The following SLC12A2 variants were observed in gnomAD, a reference collection of about 807,000 sequenced individuals.
The protein encoded by SLC12A2 is solute carrier family 12 member 2.
In SLC12A2, 67 loss-of-function variants were observed where a neutral mutation model predicts 136.3. The observed-to-expected ratio is 0.49, with a 90% CI of 0.40 to 0.60. The LOEUF is 0.60. Among genes scored for constraint, SLC12A2 ranks in the 20% least tolerant of loss-of-function variants. SLC12A2 has a pLI of 0.00. For synonymous variants in SLC12A2, 619 were observed against 562.9 expected, an observed-to-expected ratio of 1.10 and a Z score of -1.41; for missense variants, 1,322 against 1,534.7, an observed-to-expected ratio of 0.86 and a Z score of 2.32.
intron 1 of SLC12A2, among the ~76,000 whole-genome samples, chr5:128,104,568 G>GTTGCAGAGA (rs966281943): frequency 1.3e-5 from 2 of 151,708 alleles, no homozygotes; most frequent in Admixed American, 1.3e-4. Flanking sequence ...GGAGGCAGAG[G>GTTGCAGAGA]TTGCAGTGAG....
rs571463163 is a variant in SLC12A2 at position 128,141,933 on chromosome 5, A to G, written c.1725A>G (p.Ser575=). The change falls in exon 10 of 27, where the codon TCA becomes TCG. Residue 575 remains serine (S), a synonymous_variant. Transcript: ENST00000262461. ...SAACKLNFDF[S]SCESSPCSYG... ...CCTGCAAATTAAACTTTGATTTTTC[A>G]TCTTGTGAAAGCAGTCCTTGTTCCT... is the stretch of plus-strand genomic sequence containing the variant. The G allele has an allele frequency of 8.7e-6, 14 of 1,614,022 alleles. No individual in the cohort carries two copies. In the East Asian group the frequency reaches 2.2e-4, roughly 26 times the overall value.
chr5:128,085,759 T>A (rs1478238397), intron 1 of SLC12A2, among the ~76,000 whole-genome samples: 2 of 152,250 alleles, frequency 1.3e-5, no homozygotes, highest in African/African-American at 4.8e-5. Flanking sequence ...TGGATATGAT[T>A]ATTTGATCTC....
At chr5:128,097,488 T>C (rs529536535) in intron 1 of SLC12A2, among the ~76,000 whole-genome samples, 1 of 152,176 alleles carries the variant, frequency 6.6e-6, no homozygotes, top group Non-Finnish European at 1.5e-5. Context: ...AGGCCTGACA[T>C]TGTGTTGTTT....
At chr5:128,169,558 GT>G (rs1763305012) in intron 18 of SLC12A2, 1 of 152,000 alleles carries the variant, frequency 6.6e-6, no homozygotes. Flanking sequence ...CTGCTGATGT[GT>G]TGTATGTTGT....
At chr5:128,152,620 C>T (rs894645005) in intron 14 of SLC12A2, 86 bp from the exon 15 acceptor site, 1 of 833,350 alleles carries the variant, frequency 1.2e-6, no homozygotes, top group Admixed American at 1.8e-5. Flanking sequence ...AATGTGAAAG[C>T]ATGTTTAATT....
At chr5:128,098,081 T>G (rs577921802) in intron 1 of SLC12A2, among the ~76,000 whole-genome samples, 9 of 152,250 alleles carry the variant, frequency 5.9e-5, no homozygotes, top group African/African-American at 2.2e-4. Flanking sequence ...TTCTCATTGC[T>G]TTCCAGATTT....
intron 20 of SLC12A2, 133 bp downstream of exon 20, chr5:128,174,799 G>A (rs1292218319): frequency 3.0e-6 from 2 of 677,158 alleles, no homozygotes; most frequent in Non-Finnish European, 4.5e-6. Context: ...AGCTGGTCAG[G>A]TAAAATTTAT....
chr5:128,179,400 A>T (rs1763630157), intron 22 of SLC12A2, among the ~76,000 whole-genome samples: 1 of 152,040 alleles, frequency 6.6e-6, no homozygotes, highest in South Asian at 2.1e-4. Context: ...GGACTCATTG[A>T]TTCCTATTTT....
intron 4 of SLC12A2, among the ~76,000 whole-genome samples, chr5:128,128,301 T>G (rs1761893020): frequency 6.6e-6 from 1 of 152,108 alleles, no homozygotes; most frequent in South Asian, 2.1e-4. Context: ...AGGGCATATA[T>G]CCCCAAATCA....
chr5:128,119,828 C>G (rs951702292), intron 4 of SLC12A2, among the ~76,000 whole-genome samples: 1 of 152,156 alleles, frequency 6.6e-6, no homozygotes, highest in Non-Finnish European at 1.5e-5. Context: ...ACACCAAAAG[C>G]AATGACAACA....
chr5:128,178,131 T>G (rs1763590605), intron 21 of SLC12A2, among the ~76,000 whole-genome samples: 1 of 152,206 alleles, frequency 6.6e-6, no homozygotes, highest in Non-Finnish European at 1.5e-5. Context: ...CAACTTTGTC[T>G]TTTAAAAAGT....
chr5:128,173,988 G>T (rs1763462369), intron 19 of SLC12A2, among the ~76,000 whole-genome samples: 1 of 152,086 alleles, frequency 6.6e-6, no homozygotes, highest in Non-Finnish European at 1.5e-5. Context: ...TTTCAGTGTT[G>T]TCTGTCATCT....
chr5:128,121,982 A>G (rs1761600066), intron 4 of SLC12A2, among the ~76,000 whole-genome samples: 1 of 152,220 alleles, frequency 6.6e-6, no homozygotes, highest in Non-Finnish European at 1.5e-5. Flanking sequence ...TAATTAATCC[A>G]TGAATTTAGA....
chr5:128,095,754 C>T (rs1760510879), intron 1 of SLC12A2, among the ~76,000 whole-genome samples: 1 of 151,888 alleles, frequency 6.6e-6, no homozygotes, highest in African/African-American at 2.4e-5. Flanking sequence ...CCAATTCTTC[C>T]AGTATGGCCA....
intron 1 of SLC12A2, among the ~76,000 whole-genome samples, chr5:128,098,142 T>A (rs1211232957): frequency 9.9e-5 from 15 of 152,136 alleles, no homozygotes; most frequent in Non-Finnish European, 1.9e-4. Flanking sequence ...TTTCTCTATT[T>A]GTGTATCCTT....
chr5:128,092,992 T>C (rs1760393044), intron 1 of SLC12A2, among the ~76,000 whole-genome samples: 1 of 152,140 alleles, frequency 6.6e-6, no homozygotes, highest in African/African-American at 2.4e-5. Context: ...CCAGACTTGT[T>C]GAGAGTATTG....
At chr5:128,146,437 T>G (rs745495059) in intron 10 of SLC12A2, among the ~76,000 whole-genome samples, 1 of 151,692 alleles carries the variant, frequency 6.6e-6, no homozygotes, top group African/African-American at 2.4e-5. Flanking sequence ...CTTCATGACA[T>G]TGACATTTTC....
At chr5:128,134,442 G>T (rs1006629664) in intron 6 of SLC12A2, among the ~76,000 whole-genome samples, 167 bp downstream of exon 6, 1 of 152,000 alleles carries the variant, frequency 6.6e-6, no homozygotes, top group South Asian at 2.1e-4. Context: ...ACAAGGCAGA[G>T]AATCTTTGGA....
chr5:128,123,796 T>G (rs1250815806), intron 4 of SLC12A2, among the ~76,000 whole-genome samples: 1 of 152,194 alleles, frequency 6.6e-6, no homozygotes, highest in African/African-American at 2.4e-5. Context: ...TTTAGCTATG[T>G]CCAGTTCATC....
Sources: allele counts gnomAD v4.1 joint callset (sites outside exome capture counted in the v4.1 genomes callset), GRCh38; gene constraint gnomAD v4.1.1; transcripts MANE v1.5; gene names NCBI Gene and HGNC (gene_info 2026-07-23, HGNC 2026-07-21).